The following PSD3 variants were observed in gnomAD, a reference collection of about 807,000 sequenced individuals.
PSD3 encodes the protein pleckstrin and Sec7 domain containing 3.
Under a neutral mutation model 105.5 loss-of-function variants are expected in PSD3, and 49 were observed. The observed-to-expected ratio is 0.46, with a 90% CI of 0.37 to 0.59. The LOEUF (loss-of-function observed/expected upper bound fraction) is 0.59. Ranked by LOEUF, PSD3 falls within the 20% of genes least tolerant of loss-of-function variation. The pLI is 0.00. For synonymous variants in PSD3, 557 were observed against 457.8 expected, an observed-to-expected ratio of 1.22 and a Z score of -2.77; for missense variants, 1,561 against 1,263.8, an observed-to-expected ratio of 1.24 and a Z score of -3.57.
chr8:18,562,427 G>A (rs994780549), intron 14 of PSD3, among the ~76,000 whole-genome samples: 2 of 152,200 alleles, frequency 1.3e-5, no homozygotes, highest in Non-Finnish European at 2.9e-5. Context: ...AATCCAAAGG[G>A]CTGTCAACAA....
At chr8:18,787,524 C>A (rs1809281523) in intron 8 of PSD3, among the ~76,000 whole-genome samples, 1 of 152,004 alleles carries the variant, frequency 6.6e-6, no homozygotes, top group Non-Finnish European at 1.5e-5. Context: ...CTATTTGGAA[C>A]CCCAAAATTC....
At chr8:18,623,263 T>C (rs1806247715) in intron 11 of PSD3, among the ~76,000 whole-genome samples, 1 of 151,868 alleles carries the variant, frequency 6.6e-6, no homozygotes, top group South Asian at 2.1e-4. Context: ...AAGAAAAACA[T>C]CCTTATATGT....
intron 14 of PSD3, among the ~76,000 whole-genome samples, chr8:18,563,461 T>G (rs1001240874): frequency 1.8e-4 from 27 of 152,242 alleles, no homozygotes; most frequent in African/African-American, 5.5e-4. Flanking sequence ...CAGTGCAACT[T>G]AGAAGTCAAA....
intron 8 of PSD3, among the ~76,000 whole-genome samples, chr8:18,790,979 C>T (rs1315249729): frequency 6.6e-6 from 1 of 152,044 alleles, no homozygotes; most frequent in Non-Finnish European, 1.5e-5. Flanking sequence ...TTATAACTGC[C>T]AACAAAAGAA....
chr8:19,055,793 A>T (rs1003169668), intron 1 of PSD3, among the ~76,000 whole-genome samples: 2 of 152,228 alleles, frequency 1.3e-5, no homozygotes, highest in Non-Finnish European at 2.9e-5. Flanking sequence ...CAGAGATTTC[A>T]TCTTGGCAGT....
intron 11 of PSD3, among the ~76,000 whole-genome samples, chr8:18,604,736 C>A (rs924464570): frequency 6.6e-6 from 1 of 152,170 alleles, no homozygotes; most frequent in African/African-American, 2.4e-5. Context: ...CAGGGCACTG[C>A]TGCCCTGTGA....
chr8:18,733,332 C>G (rs1226255421), intron 9 of PSD3: 1 of 152,166 alleles, frequency 6.6e-6, no homozygotes, highest in Non-Finnish European at 1.5e-5. Flanking sequence ...AGAAGAAAGA[C>G]TAGAACAGCC....
intron 9 of PSD3, among the ~76,000 whole-genome samples, chr8:18,743,143 C>T (rs941586179): frequency 1.3e-5 from 2 of 152,180 alleles, no homozygotes; most frequent in African/African-American, 4.8e-5. Context: ...CAAACCTCCC[C>T]TTTGCCCTTT....
In PSD3 at chr8:18,527,749, G is replaced by C. The variant is rs145050128; in HGVS notation, c.*7994C>G. 4.2e-3 allele frequency: 635 copies of C among 152,656 alleles called. 5 individuals are homozygous for C. The highest frequency in any genetic ancestry group is 0.015 in the African/African-American group (607 of 41,544). 9.5% of individuals were successfully genotyped at this position (152,656 alleles called of 1,614,324 possible). A position where few individuals can be genotyped will look rare whatever the true frequency, so the allele number is the denominator to read the frequency against. ...CCACCACAAACGCCATCGTTTTCTA[G>C]AAGACGGCATTTCCAGAATCTGGTA... On this transcript the variant is annotated 3_prime_UTR_variant, in exon 16 of 16. Transcript: ENST00000327040.
intron 2 of PSD3, among the ~76,000 whole-genome samples, chr8:18,885,214 C>G (rs1038767418): frequency 6.6e-6 from 1 of 152,094 alleles, no homozygotes; most frequent in Admixed American, 6.5e-5. Context: ...TTTCTACGAT[C>G]CTTTCTGTTG....
chr8:18,951,845 T>G (rs1267510965), intron 1 of PSD3, among the ~76,000 whole-genome samples: 1 of 151,898 alleles, frequency 6.6e-6, no homozygotes, highest in Admixed American at 6.6e-5. Flanking sequence ...AATTAGCTGG[T>G]GTGGTGGTGG....
intron 4 of PSD3, among the ~76,000 whole-genome samples, chr8:18,816,310 A>T (rs1812219761): frequency 1.3e-5 from 2 of 152,212 alleles, no homozygotes; most frequent in South Asian, 4.1e-4. Context: ...TTTTACAAAA[A>T]AGGAAACTGA....
chr8:19,030,161 GAA>G (rs1476941315), intron 1 of PSD3, among the ~76,000 whole-genome samples: 1 of 152,134 alleles, frequency 6.6e-6, no homozygotes, highest in African/African-American at 2.4e-5. Context: ...CTAATTTGCT[GAA>G]AGTTATTTAT....
intron 2 of PSD3, among the ~76,000 whole-genome samples, chr8:18,928,121 C>T (rs1305813035): frequency 6.6e-6 from 1 of 152,188 alleles, no homozygotes; most frequent in Non-Finnish European, 1.5e-5. Flanking sequence ...GCTGTGTCTC[C>T]ACCCAAATCT....
In PSD3 at chr8:18,801,304, A is replaced by G; in HGVS notation, c.1989T>C (p.Tyr663=). 1.9e-6 allele frequency: 3 copies of G among 1,604,336 alleles called. No individual in the cohort carries two copies. The highest frequency in any genetic ancestry group is 2.2e-5 in the South Asian group (2 of 90,290). ...ERVLIHFSNR[Y]FYCNPDTIAS... ...CAATGGTATCTGGGTTACAATAAAA[A>G]TATCTATTGGAGAAGTGTATTAAAA... Residue 663 remains tyrosine, a synonymous_variant, in exon 7 of 16, where the codon TAT becomes TAC. Coordinates refer to ENST00000327040, the MANE Select transcript of PSD3 (RefSeq NM_015310.4).
intron 9 of PSD3, among the ~76,000 whole-genome samples, chr8:18,667,921 C>T (rs1356309092): frequency 6.6e-6 from 1 of 152,252 alleles, no homozygotes; most frequent in African/African-American, 2.4e-5. Context: ...CAGCTGCTGG[C>T]CCAGTTACTA....
intron 11 of PSD3, among the ~76,000 whole-genome samples, chr8:18,615,327 C>T (rs911240238): frequency 1.3e-5 from 2 of 152,060 alleles, no homozygotes; most frequent in African/African-American, 2.4e-5. Flanking sequence ...ATTAGTCAAT[C>T]GGAATTAGTT....
intron 14 of PSD3, among the ~76,000 whole-genome samples, chr8:18,564,195 ATTTTCTT>A (rs1207161218): frequency 6.6e-6 from 1 of 151,722 alleles, no homozygotes; most frequent in South Asian, 2.1e-4. Context: ...AATGTAGTTT[ATTTTCTT>A]TAAAAAAGCA....
At chr8:18,661,002 A>G (rs539558061) in intron 9 of PSD3, among the ~76,000 whole-genome samples, 1 of 152,322 alleles carries the variant, frequency 6.6e-6, no homozygotes, top group East Asian at 1.9e-4. Flanking sequence ...GATAAAATGC[A>G]ATTTTATTCA....
Sources: gnomAD v4.1 joint callset for allele counts (sites outside exome capture counted in the v4.1 genomes callset) on GRCh38, gnomAD v4.1.1 for gene constraint, MANE v1.5 for transcripts, NCBI Gene and HGNC (gene_info 2026-07-23, HGNC 2026-07-21) for gene names.